CUL3: variants seen among roughly 807,000 people sequenced by gnomAD.
CUL3 encodes cullin 3.
CUL3 carries 19 observed loss-of-function variants against 89.1 expected under a neutral mutation model. The ratio of observed to expected loss-of-function variants is 0.21; its 90% CI spans 0.15 to 0.31. CUL3 has a LOEUF of 0.31. CUL3 is among the 10% of genes least tolerant of loss of function. CUL3 has a pLI of 1.00. For synonymous variants in CUL3, 351 were observed against 308.4 expected (o/e 1.14, Z -1.45); for missense variants, 469 against 942.3 (o/e 0.50, Z 6.58).
At chr2:224,522,879 GT>G (rs1693321384) in intron 3 of CUL3, among the ~76,000 whole-genome samples, 1 of 151,870 alleles carries the variant, frequency 6.6e-6, no homozygotes, top group South Asian at 2.1e-4. Context: ...GAAAAACACA[GT>G]TGTGAAAATT....
In CUL3 at chr2:224,470,801, ATTAACT is replaced by A. The variant is rs1348078564; in HGVS notation, c.*3438_*3443del. ...AATTCCATATTGCAATGCTTCATGTATTAACTTTAGTTTGTCACATTACTATTCATG... is the reference window on the plus strand; with the variant it reads ...AATTCCATATTGCAATGCTTCATGTATTAGTTTGTCACATTACTATTCATG... On this transcript the variant is annotated 3_prime_UTR_variant, in exon 16 of 16. Coordinates refer to ENST00000264414, the MANE Select transcript of CUL3 (RefSeq NM_003590.5). 4.3e-6 allele frequency: 1 copy of A among 231,270 alleles called. No individual in the cohort carries two copies. Among genetic ancestry groups the A allele is most frequent in the African/African-American group, 2.2e-5 (1 of 45,266 alleles). The allele number at this position is 231,270 out of a possible 1,614,324, so 14.3% of individuals were successfully genotyped here. A position where few individuals can be genotyped will look rare whatever the true frequency, so the allele number is the denominator to read the frequency against.
At chr2:224,512,091 A>T (rs749159501) in intron 5 of CUL3, among the ~76,000 whole-genome samples, 11 of 148,644 alleles carry the variant, frequency 7.4e-5, no homozygotes, top group Admixed American at 2.0e-4. Flanking sequence ...ATAACTATTC[A>T]TCTTTTTTTT....
intron 14 of CUL3, among the ~76,000 whole-genome samples, chr2:224,481,519 C>CT (rs1230233470): frequency 6.6e-6 from 1 of 151,964 alleles, no homozygotes; most frequent in African/African-American, 2.4e-5. Flanking sequence ...AAACATCAAA[C>CT]TTTTATATAG....
intron 1 of CUL3, among the ~76,000 whole-genome samples, chr2:224,571,286 A>C (rs1351126414): frequency 6.6e-6 from 1 of 152,178 alleles, no homozygotes; most frequent in East Asian, 1.9e-4. Context: ...TCAAAATAAA[A>C]TTTGTTGTAT....
At chr2:224,505,792 G>T (rs530064743) in intron 8 of CUL3, 164 bp downstream of exon 8, 2 of 394,704 alleles carry the variant, frequency 5.1e-6, no homozygotes, top group Non-Finnish European at 8.7e-6. Context: ...CTACGTTTGG[G>T]CATGTCAAGT....
At chr2:224,534,938 T>C (rs1476855822) in intron 3 of CUL3, among the ~76,000 whole-genome samples, 1 of 151,126 alleles carries the variant, frequency 6.6e-6, no homozygotes, top group African/African-American at 2.4e-5. Context: ...GAGGCAGAGC[T>C]TGCAGTGAGC....
chr2:224,470,495 T>G lies in CUL3; in HGVS notation c.*3750A>C, dbSNP rs1018269280. 4.9e-5 allele frequency: 11 copies of G among 225,302 alleles called. No homozygotes were observed. In the Admixed American group the frequency reaches 6.5e-4, roughly 13 times the overall value. 14.0% of individuals were successfully genotyped at this position (225,302 alleles called of 1,614,324 possible). ...TCTCTGTATCATTACCTGTTAAATT[T>G]ATCTGCCATTCTTAACGTCTCTTCT... On this transcript the variant is annotated 3_prime_UTR_variant, in exon 16 of 16. Transcript: ENST00000264414.
At chr2:224,523,038 G>C (rs1693327289) in intron 3 of CUL3, among the ~76,000 whole-genome samples, 1 of 151,974 alleles carries the variant, frequency 6.6e-6, no homozygotes, top group African/African-American at 2.4e-5. Flanking sequence ...CTAGAGGTCA[G>C]AGGGAAAAAA....
At chr2:224,474,416 A>ATTTTTATTTTTTTTTT (rs1352146691) in intron 15 of CUL3, 40 bp from the exon 16 acceptor site, 2 of 1,564,486 alleles carry the variant, frequency 1.3e-6, no homozygotes, top group Non-Finnish European at 1.7e-6. Flanking sequence ...ATAAACACAT[A>ATTTTTATTTTTTTTTT]AAAATTCGTA....
At chr2:224,483,455 T>C (rs1691602919) in intron 13 of CUL3, among the ~76,000 whole-genome samples, 1 of 152,166 alleles carries the variant, frequency 6.6e-6, no homozygotes, top group Admixed American at 6.6e-5. Context: ...GTAGTTAGTA[T>C]ACTAGACATC....
Position 224,479,648 on chromosome 2 carries a change from G to T in CUL3, c.2030-1303C>A, listed in dbSNP as rs564211655. 7.9e-5 allele frequency: 12 copies of T among 152,212 alleles called. No individual in the cohort carries two copies. The South Asian group carries it at 2.5e-3, about 32-fold the overall frequency. The allele number at this position is 152,212 out of a possible 1,614,324, so 9.4% of individuals were successfully genotyped here. A position where few individuals can be genotyped will look rare whatever the true frequency, so the allele number is the denominator to read the frequency against. The stretch of plus-strand genomic sequence containing the variant: ...GACGTGTGCTAAAGTTTTTTAGGGG[G>T]AAACTACTGAGATATTTGTAAATTA... On this transcript the variant is annotated intron_variant, in intron 14 of 15. Transcript: ENST00000264414.
Position 224,585,254 on chromosome 2 carries a change from C to G in CUL3, c.-245G>C. 2.5e-6 allele frequency: 1 copy of G among 395,704 alleles called. No homozygotes were observed. Among genetic ancestry groups the G allele is most frequent in the Non-Finnish European group, 4.4e-6 (1 of 225,486 alleles). The allele number at this position is 395,704 out of a possible 1,614,324, so 24.5% of individuals were successfully genotyped here. On this transcript the variant is annotated 5_prime_UTR_variant, in exon 1 of 16. Transcript: ENST00000264414. ...GGGGGCTGCGCTGGCGCGGCGGCTC[C>G]GCGGGGTCCCCCTCACGTCCGGCTC...
At chr2:224,566,749 T>G (rs747797906) in intron 1 of CUL3, among the ~76,000 whole-genome samples, 6 of 152,244 alleles carry the variant, frequency 3.9e-5, no homozygotes, top group Admixed American at 6.5e-5. Context: ...ATAATGACTT[T>G]GCTTTTCTTA....
chr2:224,505,293 A>G (rs934297920), intron 8 of CUL3, among the ~76,000 whole-genome samples: 2 of 151,972 alleles, frequency 1.3e-5, no homozygotes, highest in Non-Finnish European at 2.9e-5. Context: ...ATCCACCACC[A>G]TGCCCAGCTA....
chr2:224,506,181 A>T (rs1286062396), intron 7 of CUL3, 49 bp from the exon 8 acceptor site: 1 of 1,268,656 alleles, frequency 7.9e-7, no homozygotes, highest in Admixed American at 2.5e-5. Flanking sequence ...ATTTTTCCAT[A>T]AATAATACAC....
chr2:224,503,106 A>G, intron 9 of CUL3, 34 bp from the exon 10 acceptor site: 1 of 1,212,364 alleles, frequency 8.2e-7, no homozygotes, highest in Non-Finnish European at 1.2e-6. Flanking sequence ...ACACAAATAA[A>G]TGGTAGATGT....
intron 9 of CUL3, 141 bp downstream of exon 9, chr2:224,503,511 T>C: frequency 1.3e-6 from 1 of 746,318 alleles, no homozygotes; most frequent in East Asian, 2.9e-5. Context: ...GTAGTCTGTG[T>C]TCTTCTCCAA....
chr2:224,568,099 C>T (rs2106318317), intron 1 of CUL3, among the ~76,000 whole-genome samples: 1 of 152,218 alleles, frequency 6.6e-6, no homozygotes, highest in East Asian at 1.9e-4. Context: ...TTTTCTTTAT[C>T]TGATTCTTTA....
At chr2:224,569,736 A>G in intron 1 of CUL3, 1 of 1,219,240 alleles carries the variant, frequency 8.2e-7, no homozygotes, top group South Asian at 1.4e-5. Flanking sequence ...TCATGAGACA[A>G]ATTAAAACTA....
Sources: gnomAD v4.1 joint callset for allele counts (sites outside exome capture counted in the v4.1 genomes callset) on GRCh38, gnomAD v4.1.1 for gene constraint, MANE v1.5 for transcripts, NCBI Gene and HGNC (gene_info 2026-07-23, HGNC 2026-07-21) for gene names.